NKX2-6: variants seen among roughly 807,000 people sequenced by gnomAD.
The protein encoded by NKX2-6 is NK2 homeobox 6.
NKX2-6 carries 8 observed loss-of-function variants against 8.6 expected under a neutral mutation model. That is an observed-to-expected ratio of 0.93 (90% CI 0.54 to 1.67). The LOEUF (loss-of-function observed/expected upper bound fraction) is 1.67. Among genes scored for constraint, NKX2-6 ranks in the 40% most tolerant of loss-of-function variants. The pLI is 0.00. For missense variants in NKX2-6, 475 were observed against 423.1 expected (o/e 1.12, Z -1.08); for synonymous variants, 210 against 199.3 (o/e 1.05, Z -0.45).
intron 1 of NKX2-6, among the ~76,000 whole-genome samples, chr8:23,704,464 A>G (rs1245636032): frequency 1.3e-5 from 2 of 152,146 alleles, no homozygotes; most frequent in Non-Finnish European, 2.9e-5. Context: ...GATAGAAGGG[A>G]AATGCTGAGT....
Position 23,704,711 on chromosome 8 carries a change from A to G in NKX2-6, c.274+1614T>C, listed in dbSNP as rs563771133. On this transcript the variant is annotated intron_variant, in intron 1 of 1. Coordinates refer to ENST00000325017, the MANE Select transcript of NKX2-6 (RefSeq NM_001136271.3). ...ATAAACTGAGGCCATCTCCACTTGC[A>G]AAGAGGAAAAATTCTGAGGAGGGTT... Among the ~76,000 whole-genome samples, 3 of 152,022 alleles carry G rather than the reference A, an allele frequency of 2.0e-5. No homozygotes were observed. In the East Asian group the frequency reaches 5.8e-4, roughly 29 times the overall value.
Position 23,706,545 on chromosome 8 carries a change from T to C in NKX2-6, c.54A>G (p.Arg18=). ...STPFSVKDIL[R]LERERSCPAA... ...CGGGGCAGCTCCGCTCGCGCTCCAGTCGCAGGATGTCCTTGACCGAGAAGG... is the reference window on the plus strand; with the variant it reads ...CGGGGCAGCTCCGCTCGCGCTCCAGCCGCAGGATGTCCTTGACCGAGAAGG... Residue 18 remains arginine (R), a synonymous_variant, in exon 1 of 2, where the codon CGA becomes CGG. Transcript: ENST00000325017. The C allele has an allele frequency of 6.5e-7, 1 of 1,536,604 alleles. No individual in the cohort carries two copies. Among genetic ancestry groups the C allele is most frequent in the Non-Finnish European group, 8.7e-7 (1 of 1,146,914 alleles).
At chr8:23,704,330 C>T (rs1477500933) in intron 1 of NKX2-6, among the ~76,000 whole-genome samples, 1 of 152,190 alleles carries the variant, frequency 6.6e-6, no homozygotes, top group Non-Finnish European at 1.5e-5. Context: ...GGGCTTCACC[C>T]TGAAGTCTTC....
rs1801014828 is a variant in NKX2-6, at chr8:23,702,148, AGTCACGC to A, written c.*296_*302del. 6.6e-6 allele frequency among the ~76,000 whole-genome samples: 1 copy of A among 152,170 alleles called. No individual in the cohort carries two copies. The highest frequency in any genetic ancestry group is 2.1e-4 in the South Asian group (1 of 4,832). On this transcript the variant is annotated 3_prime_UTR_variant, in exon 2 of 2. Coordinates refer to ENST00000325017, the MANE Select transcript of NKX2-6 (RefSeq NM_001136271.3). ...GGGCCTCTGGGGTTGAAGCCCCAAA[AGTCACGC>A]GCCTTAGTACTGCTCCCACACCCCA... is the stretch of plus-strand genomic sequence containing the variant.
Position 23,702,372 on chromosome 8 carries a change from C to T in NKX2-6, c.*79G>A. 1 of 1,380,960 alleles carries T rather than the reference C, an allele frequency of 7.2e-7. No homozygotes were observed. The highest frequency in any genetic ancestry group is 9.5e-7 in the Non-Finnish European group (1 of 1,055,424). The allele number at this position is 1,380,960 out of a possible 1,614,324, so 85.5% of individuals were successfully genotyped here. A position where few individuals can be genotyped will look rare whatever the true frequency, so the allele number is the denominator to read the frequency against. ...AGCAGCTTCCTTCCAGCGCCGCGTC[C>T]CCTCCTTGTCACGACCTGCGGGCGG... is the stretch of plus-strand genomic sequence containing the variant. On this transcript the variant is annotated 3_prime_UTR_variant, in exon 2 of 2. Coordinates refer to ENST00000325017, the MANE Select transcript of NKX2-6 (RefSeq NM_001136271.3).
intron 1 of NKX2-6, among the ~76,000 whole-genome samples, chr8:23,705,009 G>T (rs1397582799): frequency 6.6e-6 from 1 of 152,186 alleles, no homozygotes; most frequent in Non-Finnish European, 1.5e-5. Context: ...GCCGGCCTCG[G>T]GTCCGGCCTC....
chr8:23,704,054 C>T (rs1801054649), intron 1 of NKX2-6, among the ~76,000 whole-genome samples: 2 of 152,162 alleles, frequency 1.3e-5, no homozygotes, highest in South Asian at 4.1e-4. Context: ...TGAGTGTCTC[C>T]TACCTTCACC....
Position 23,701,916 on chromosome 8 carries a change from A to C in NKX2-6, c.*535T>G, listed in dbSNP as rs1046345715. 2.0e-5 allele frequency among the ~76,000 whole-genome samples: 3 copies of C among 152,192 alleles called. No individual in the cohort carries two copies. The highest frequency in any genetic ancestry group is 4.4e-5 in the Non-Finnish European group (3 of 68,032). On this transcript the variant is annotated 3_prime_UTR_variant, in exon 2 of 2. Transcript: ENST00000325017. ...GGCCTTATGGGGATGTTTAAGTCCC[A>C]AAGGAAGAGGCTCAAAGCAGGTTAC...
chr8:23,702,558 G>T lies in NKX2-6; in HGVS notation c.799C>A (p.Pro267Thr). Residue 267 changes from proline (P) to threonine (T), a missense_variant, in exon 2 of 2, where the codon CCT becomes ACT. Coordinates refer to ENST00000325017, the MANE Select transcript of NKX2-6 (RefSeq NM_001136271.3). ...CTGGCCAGTGGTGTGTGTGGCGCAG[G>T]ACCCGAGGGCGCGCCCGCGTAGCAG... ...GTCYAGAPSG[P>T]APHTPLASAG... is the part of the protein sequence containing the mutation. 2.6e-6 allele frequency: 4 copies of T among 1,543,670 alleles called. No homozygotes were observed. Among genetic ancestry groups the T allele is most frequent in the Non-Finnish European group, 2.6e-6 (3 of 1,146,208 alleles).
rs1801025619 is a variant in NKX2-6, at chr8:23,702,735, C to T, written c.622G>A (p.Val208Ile). Residue 208 changes from valine (V) to isoleucine (I), a missense_variant, in exon 2 of 2, where the codon GTA becomes ATA. By Grantham distance (29) the Val-to-Ile change is conservative (BLOSUM62 3). Transcript: ENST00000325017. ...TCGCGCACCAGGACGGGCACAGCTACTCGGCGCGGCGTTAGAGGGTGGCCA... is the reference window on the plus strand; with the variant it reads ...TCGCGCACCAGGACGGGCACAGCTATTCGGCGCGGCGTTAGAGGGTGGCCA... ...LAGHPLTPRR[V>I]AVPVLVRDGK... The T allele has an allele frequency of 6.4e-7, 1 of 1,551,818 alleles. No individual in the cohort carries two copies. Among genetic ancestry groups the T allele is most frequent in the Non-Finnish European group, 8.7e-7 (1 of 1,147,018 alleles).
At chr8:23,706,238 G>C in intron 1 of NKX2-6, 87 bp downstream of exon 1, 1 of 1,321,084 alleles carries the variant, frequency 7.6e-7, no homozygotes, top group South Asian at 1.5e-5. Context: ...CCAGGAGATA[G>C]GAGGCGTATT....
rs1039509893 is a variant in NKX2-6 at position 23,703,026 on chromosome 8, C to T, written c.331G>A (p.Gly111Ser). Residue 111 changes from glycine (G) to serine (S), a missense_variant, in exon 2 of 2, where the codon GGC (glycine) becomes AGC (serine). Coordinates refer to ENST00000325017, the MANE Select transcript of NKX2-6 (RefSeq NM_001136271.3). ...ACGCTGTCGCCGCTGTTGCCAACGC[C>T]GCGCTCTGGCACCCTGGTCCCGCCG... ...LGGGTRVPER[G>S]VGNSGDSVRG... 9 of 1,540,442 alleles carry T rather than the reference C, an allele frequency of 5.8e-6. No individual in the cohort carries two copies. In the African/African-American group the frequency reaches 6.9e-5, roughly 12 times the overall value.
Position 23,706,689 on chromosome 8 carries a change from A to G in NKX2-6, c.-91T>C, listed in dbSNP as rs911967241. 1.5e-6 allele frequency: 2 copies of G among 1,364,294 alleles called. No homozygotes were observed. Among genetic ancestry groups the G allele is most frequent in the Non-Finnish European group, 9.8e-7 (1 of 1,020,266 alleles). The allele number at this position is 1,364,294 out of a possible 1,614,324, so 84.5% of individuals were successfully genotyped here. Reference sequence around the variant, plus strand: ...TTGTCGCTGCAGGCCCCGCAGACAGACCCAAGCTCTGGGACAGACGCCCAG... The same window carrying G: ...TTGTCGCTGCAGGCCCCGCAGACAGGCCCAAGCTCTGGGACAGACGCCCAG... On this transcript the variant is annotated 5_prime_UTR_variant, in exon 1 of 2. Coordinates refer to ENST00000325017, the MANE Select transcript of NKX2-6 (RefSeq NM_001136271.3).
Position 23,706,377 on chromosome 8 carries a change from C to T in NKX2-6, c.222G>A (p.Gly74=). ...DRKLDGSEPP[G]GPCEAVLEMD... ...TCTCCAAGACTGCCTCACAGGGACC[C>T]CCAGGAGGCTCCGAACCATCCAGCT... The change falls in exon 1 of 2, where the codon GGG becomes GGA. Residue 74 remains glycine (G), a synonymous_variant. Coordinates refer to ENST00000325017, the MANE Select transcript of NKX2-6 (RefSeq NM_001136271.3). 1 of 1,551,602 alleles carries T rather than the reference C, an allele frequency of 6.4e-7. No individual in the cohort carries two copies. The highest frequency in any genetic ancestry group is 8.7e-7 in the Non-Finnish European group (1 of 1,147,018).
At chr8:23,703,167 C>T in intron 1 of NKX2-6, 85 bp from the exon 2 acceptor site, 4 of 1,438,170 alleles carry the variant, frequency 2.8e-6, no homozygotes, top group Non-Finnish European at 3.7e-6. Context: ...CTTTCCTCTC[C>T]CTGGCAGCCT....
At position 23,702,364 on chromosome 8, in the gene NKX2-6, G is replaced by A; in HGVS notation, c.*87C>T. Reference sequence around the variant, plus strand: ...CGTTGGGTAGCAGCTTCCTTCCAGCGCCGCGTCCCCTCCTTGTCACGACCT... The same window carrying A: ...CGTTGGGTAGCAGCTTCCTTCCAGCACCGCGTCCCCTCCTTGTCACGACCT... On this transcript the variant is annotated 3_prime_UTR_variant, in exon 2 of 2. Coordinates refer to ENST00000325017, the MANE Select transcript of NKX2-6 (RefSeq NM_001136271.3). 2 of 1,351,814 alleles carry A rather than the reference G, an allele frequency of 1.5e-6. No homozygotes were observed. The highest frequency in any genetic ancestry group is 3.0e-5 in the Admixed American group (1 of 33,884). 83.7% of individuals were successfully genotyped at this position (1,351,814 alleles called of 1,614,324 possible).
intron 1 of NKX2-6, among the ~76,000 whole-genome samples, chr8:23,704,095 C>T (rs1447143866): frequency 6.6e-6 from 1 of 152,156 alleles, no homozygotes; most frequent in Non-Finnish European, 1.5e-5. Flanking sequence ...GTCTTTTTGA[C>T]GCAGCGCTCC....
At position 23,703,169 on chromosome 8, in the gene NKX2-6, TG is replaced by T. The variant is rs377350039; in HGVS notation, c.275-88del. The T allele has an allele frequency of 8.2e-4, 1,180 of 1,435,100 alleles. 2 individuals are homozygous for T. Among genetic ancestry groups the T allele is most frequent in the Middle Eastern group, 8.0e-3 (32 of 4,012 alleles). 88.9% of individuals were successfully genotyped at this position (1,435,100 alleles called of 1,614,324 possible). On this transcript the variant is annotated intron_variant, in intron 1 of 1. Coordinates refer to ENST00000325017, the MANE Select transcript of NKX2-6 (RefSeq NM_001136271.3). ...TTAGTTTTCAAGACTTTCCTCTCCC[TG>T]GCAGCCTTCACTCTGCGCAGGCTCC...
At chr8:23,703,315 GACAACC>G (rs1401572804) in intron 1 of NKX2-6, among the ~76,000 whole-genome samples, 1 of 152,164 alleles carries the variant, frequency 6.6e-6, no homozygotes, top group Non-Finnish European at 1.5e-5. Context: ...CATAAATTGT[GACAACC>G]TATGGTCCCT....
Sources: gnomAD v4.1 joint callset for allele counts (sites outside exome capture counted in the v4.1 genomes callset) on GRCh38, gnomAD v4.1.1 for gene constraint, MANE v1.5 for transcripts, NCBI Gene and HGNC (gene_info 2026-07-23, HGNC 2026-07-21) for gene names.